The following WLS variants were observed in gnomAD, a reference collection of about 807,000 sequenced individuals.
WLS encodes the protein protein wntless homolog.
In WLS, 23 loss-of-function variants were observed where a neutral mutation model predicts 62.8. The observed-to-expected ratio is 0.37, with a 90% CI of 0.26 to 0.52. The LOEUF (loss-of-function observed/expected upper bound fraction) is 0.52. Ranked by LOEUF, WLS falls within the 20% of genes least tolerant of loss-of-function variation. The probability of loss-of-function intolerance (pLI) is 0.92; values close to 1 mark genes in which losing one functional copy is unlikely to be tolerated. For synonymous variants in WLS, 246 were observed against 244.1 expected, an observed-to-expected ratio of 1.01 and a Z score of -0.07; for missense variants, 615 against 697.3, an observed-to-expected ratio of 0.88 and a Z score of 1.33.
chr1:68,107,054 A>G (rs185415360), intron 11 of WLS, among the ~76,000 whole-genome samples: 58 of 152,300 alleles, frequency 3.8e-4, no homozygotes, highest in African/African-American at 1.4e-3. Context: ...TGATCAAAAT[A>G]ATCCTCATTC....
intron 2 of WLS, among the ~76,000 whole-genome samples, chr1:68,176,076 G>A (rs1260062435): frequency 2.0e-5 from 3 of 152,170 alleles, no homozygotes; most frequent in Non-Finnish European, 4.4e-5. Flanking sequence ...ACAAATGAGA[G>A]CAGGCAGCCA....
intron 1 of WLS, among the ~76,000 whole-genome samples, chr1:68,210,293 C>A (rs1649460498): frequency 6.6e-6 from 1 of 152,066 alleles, no homozygotes; most frequent in Non-Finnish European, 1.5e-5. Flanking sequence ...TAAACCAGAC[C>A]AGGGGTATTT....
intron 11 of WLS, among the ~76,000 whole-genome samples, chr1:68,133,017 A>G (rs916690963): frequency 6.0e-5 from 9 of 151,128 alleles, no homozygotes; most frequent in Non-Finnish European, 7.4e-5. Context: ...TTATGGCAAC[A>G]GGTAAAAAGA....
At chr1:68,111,830 G>A (rs1646232449) in intron 11 of WLS, among the ~76,000 whole-genome samples, 1 of 152,192 alleles carries the variant, frequency 6.6e-6, no homozygotes, top group African/African-American at 2.4e-5. Flanking sequence ...TTGGGGGGCT[G>A]CCCCTCCTTG....
chr1:68,210,337 G>A (rs1649462302), intron 1 of WLS, among the ~76,000 whole-genome samples: 1 of 152,130 alleles, frequency 6.6e-6, no homozygotes, highest in Non-Finnish European at 1.5e-5. Flanking sequence ...GGAGAGAAAT[G>A]ATAGTCATCT....
intron 2 of WLS, among the ~76,000 whole-genome samples, chr1:68,189,764 T>G (rs1284997789): frequency 6.6e-6 from 1 of 152,232 alleles, no homozygotes; most frequent in Admixed American, 6.5e-5. Context: ...CTGGGTGCAG[T>G]GGCTCACACC....
At chr1:68,118,875 C>CAAAAAAAAAAAAAAAAAAAAA (rs33982774) in intron 11 of WLS, among the ~76,000 whole-genome samples, 13 of 26,390 alleles carry the variant, frequency 4.9e-4, no homozygotes, top group East Asian at 2.1e-3. Flanking sequence ...GACTCTGTCT[C>CAAAAAAAAAAAAAAAAAAAAA]AAAAAAAAAA....
At chr1:68,200,505 A>G (rs925745134) in intron 1 of WLS, among the ~76,000 whole-genome samples, 3 of 151,462 alleles carry the variant, frequency 2.0e-5, no homozygotes, top group African/African-American at 7.3e-5. Flanking sequence ...CAGAGACTAC[A>G]AATTACTTGG....
chr1:68,148,514 G>A lies in WLS; in HGVS notation c.1070+49C>T, dbSNP rs755807405. On this transcript the variant is annotated intron_variant, in intron 7 of 11. Coordinates refer to ENST00000262348, the MANE Select transcript of WLS (RefSeq NM_024911.7). ...CACTCCTCCTAAAATGACAGGAGTG[G>A]GCGTGGTGATGCACAGTTTGGCTCA... 102 of 1,569,290 alleles carry A rather than the reference G, an allele frequency of 6.5e-5. No individual in the cohort carries two copies. The East Asian group carries it at 2.2e-3, about 35-fold the overall frequency.
rs75116509 is a variant in WLS at position 68,125,378 on chromosome 1, G to T, written c.*848C>A. On this transcript the variant is annotated 3_prime_UTR_variant, in exon 12 of 12. Coordinates refer to ENST00000262348, the MANE Select transcript of WLS (RefSeq NM_024911.7). ...ATGTGTATGAGTTTTAGCAGGAGGGGATATGCATGTACACATATGCATATA... is the reference window on the plus strand; with the variant it reads ...ATGTGTATGAGTTTTAGCAGGAGGGTATATGCATGTACACATATGCATATA... The T allele has an allele frequency of 1.5e-3, 1,444 of 985,362 alleles. 11 individuals carry two copies. In the African/African-American group the frequency reaches 0.024, roughly 16 times the overall value. The allele number at this position is 985,362 out of a possible 1,614,324, so 61.0% of individuals were successfully genotyped here.
At chr1:68,170,170 T>TTC (rs1472582496) in intron 2 of WLS, among the ~76,000 whole-genome samples, 8 of 145,352 alleles carry the variant, frequency 5.5e-5, no homozygotes, top group Non-Finnish European at 7.6e-5. Flanking sequence ...CTTTTTTTTT[T>TTC]TTTTTTTTTT....
intron 11 of WLS, among the ~76,000 whole-genome samples, chr1:68,101,770 C>G (rs1456850501): frequency 6.6e-6 from 1 of 152,188 alleles, no homozygotes; most frequent in East Asian, 1.9e-4. Flanking sequence ...AGACTGGCTG[C>G]AAGGGGCTTT....
chr1:68,153,785 C>G, intron 4 of WLS, 132 bp from the exon 5 acceptor site: 2 of 1,206,876 alleles, frequency 1.7e-6, no homozygotes, highest in Non-Finnish European at 2.3e-6. Flanking sequence ...CTTTCACATT[C>G]ATAGCAGGTA....
At chr1:68,150,426 A>G (rs1646810797) in intron 5 of WLS, 70 bp from the exon 6 acceptor site, 2 of 1,584,508 alleles carry the variant, frequency 1.3e-6, no homozygotes, top group African/African-American at 2.7e-5. Context: ...CAATTCCCCG[A>G]ATTCAGTTTT....
chr1:68,231,630 G>C, intron 1 of WLS: 1 of 412,006 alleles, frequency 2.4e-6, no homozygotes, highest in Non-Finnish European at 4.9e-6. Context: ...CGGGAAAGCA[G>C]AGGGCGCGAA....
In WLS at chr1:68,137,027, A is replaced by T. The variant is rs186232910; in HGVS notation, c.1516+753T>A. On this transcript the variant is annotated intron_variant, in intron 11 of 11. Transcript: ENST00000262348. ...TAAGGCTGAACCAAACAGAAAAAGC[A>T]TCTATTAGATCAGTTGTTTATCAGG... Among the ~76,000 whole-genome samples the T allele has an allele frequency of 5.9e-5, 9 of 152,364 alleles. No individual in the cohort carries two copies. The East Asian group carries it at 1.7e-3, about 29-fold the overall frequency.
Position 68,137,854 on chromosome 1 carries a change from C to T in WLS, c.1442G>A (p.Trp481Ter). ...SAFFTGIYGM[W>*]NLYVFALMFL... ...CATCAGAGCAAAGACATACAGATTC[C>T]ACATCCCATAGATGCCTGTGAAAAA... Residue 481 changes from tryptophan (W) to a stop codon, truncating the protein, a stop_gained, in exon 11 of 12, where the codon TGG becomes TAG. Transcript: ENST00000262348. LOFTEE classifies it high-confidence loss of function. 3 of 1,613,988 alleles carry T rather than the reference C, an allele frequency of 1.9e-6. No individual in the cohort carries two copies. Among genetic ancestry groups the T allele is most frequent in the Non-Finnish European group, 2.5e-6 (3 of 1,179,906 alleles).
At chr1:68,170,170 T>TTCTTTTTTTTA in intron 2 of WLS, among the ~76,000 whole-genome samples, 1 of 145,428 alleles carries the variant, frequency 6.9e-6, no homozygotes, top group Non-Finnish European at 1.5e-5. Context: ...CTTTTTTTTT[T>TTCTTTTTTTTA]TTTTTTTTTT....
intron 2 of WLS, chr1:68,161,864 C>T (rs1238746205): frequency 1.7e-5 from 28 of 1,607,676 alleles, no homozygotes; most frequent in Non-Finnish European, 2.1e-5. Flanking sequence ...ACTGGGATGC[C>T]TCCAGGGATG....
Sources: allele counts gnomAD v4.1 joint callset (sites outside exome capture counted in the v4.1 genomes callset), GRCh38; gene constraint gnomAD v4.1.1; transcripts MANE v1.5; gene names NCBI Gene and HGNC (gene_info 2026-07-23, HGNC 2026-07-21).